Variants in CTDSPL2 observed in about 807,000 individuals in gnomAD.
CTDSPL2 encodes CTD small phosphatase-like protein 2.
Under a neutral mutation model 60.0 loss-of-function variants are expected in CTDSPL2, and 5 were observed. The observed-to-expected ratio is 0.08, with a 90% CI of 0.04 to 0.18. CTDSPL2 has a LOEUF of 0.18. Among genes scored for constraint, CTDSPL2 ranks in the 10% least tolerant of loss-of-function variants. The pLI is 1.00. For missense variants in CTDSPL2, 370 were observed against 548.8 expected (o/e 0.67, Z 3.26); for synonymous variants, 186 against 189.3 (o/e 0.98, Z 0.14).
chr15:44,501,671 T>G (rs1439650942), intron 8 of CTDSPL2, among the ~76,000 whole-genome samples: 1 of 152,182 alleles, frequency 6.6e-6, no homozygotes, highest in African/African-American at 2.4e-5. Flanking sequence ...AAATAAATGA[T>G]CTAGCCTAAA....
intron 1 of CTDSPL2, among the ~76,000 whole-genome samples, chr15:44,445,175 A>G (rs1350747030): frequency 1.3e-5 from 2 of 150,380 alleles, no homozygotes; most frequent in African/African-American, 4.9e-5. Context: ...ATAATAGGTT[A>G]GGTTCCAGAT....
intron 7 of CTDSPL2, among the ~76,000 whole-genome samples, chr15:44,498,670 C>T (rs984235088): frequency 6.6e-5 from 10 of 151,798 alleles, no homozygotes; most frequent in Non-Finnish European, 8.8e-5. Flanking sequence ...GAGGCCAAGG[C>T]GGGCAGATAC....
At chr15:44,458,479 G>A (rs1283997464) in intron 1 of CTDSPL2, among the ~76,000 whole-genome samples, 1 of 152,132 alleles carries the variant, frequency 6.6e-6, no homozygotes, top group Non-Finnish European at 1.5e-5. Flanking sequence ...CACTTATATG[G>A]TTGTTGATTA....
chr15:44,477,661 AC>A (rs2080946332), intron 2 of CTDSPL2, among the ~76,000 whole-genome samples: 1 of 151,662 alleles, frequency 6.6e-6, no homozygotes, highest in East Asian at 1.9e-4. Flanking sequence ...ACATGGAGAA[AC>A]CCTGTCTCTA....
intron 8 of CTDSPL2, among the ~76,000 whole-genome samples, chr15:44,501,507 A>T (rs1316598556): frequency 6.6e-6 from 1 of 151,968 alleles, no homozygotes; most frequent in Non-Finnish European, 1.5e-5. Flanking sequence ...TTATTATTTC[A>T]TGTGGATCTG....
At chr15:44,459,767 T>G (rs941605563) in intron 2 of CTDSPL2, among the ~76,000 whole-genome samples, 11 of 152,216 alleles carry the variant, frequency 7.2e-5, no homozygotes, top group Admixed American at 1.3e-4. Context: ...CTTGAGTTGT[T>G]TCTTTTACTT....
chr15:44,447,965 C>T (rs1362839184), intron 1 of CTDSPL2: 1 of 189,050 alleles, frequency 5.3e-6, no homozygotes, highest in Non-Finnish European at 1.1e-5. Flanking sequence ...GACCCATGCA[C>T]TCAAGGCTGT....
intron 1 of CTDSPL2, among the ~76,000 whole-genome samples, chr15:44,452,680 T>C (rs1473282625): frequency 6.6e-6 from 1 of 152,172 alleles, no homozygotes; most frequent in Non-Finnish European, 1.5e-5. Flanking sequence ...GACTTCTCTT[T>C]ATTCTCCATC....
intron 2 of CTDSPL2, among the ~76,000 whole-genome samples, chr15:44,467,894 A>C (rs1157839490): frequency 2.0e-5 from 3 of 152,134 alleles, no homozygotes; most frequent in African/African-American, 4.8e-5. Context: ...CTTTTAATGT[A>C]GAGTAGTACA....
chr15:44,492,514 GC>G (rs913145681), intron 5 of CTDSPL2, among the ~76,000 whole-genome samples: 37 of 152,168 alleles, frequency 2.4e-4, no homozygotes, highest in African/African-American at 8.7e-4. Flanking sequence ...TTGGGATATA[GC>G]CCCATCATAA....
At chr15:44,501,092 C>G (rs1375281404) in intron 8 of CTDSPL2, among the ~76,000 whole-genome samples, 2 of 151,996 alleles carry the variant, frequency 1.3e-5, no homozygotes, top group Non-Finnish European at 2.9e-5. Flanking sequence ...GGACAGGAGT[C>G]CTTGTGGCAG....
At chr15:44,493,915 GA>G (rs1377874810) in intron 5 of CTDSPL2, among the ~76,000 whole-genome samples, 4 of 151,706 alleles carry the variant, frequency 2.6e-5, no homozygotes, top group African/African-American at 7.3e-5. Flanking sequence ...TGTCAGAGAT[GA>G]AAAAAAATTC....
At chr15:44,460,473 A>T (rs1378299549) in intron 2 of CTDSPL2, among the ~76,000 whole-genome samples, 1 of 152,100 alleles carries the variant, frequency 6.6e-6, no homozygotes, top group Non-Finnish European at 1.5e-5. Context: ...TAGTTTTTTT[A>T]TGACTTTACT....
At chr15:44,459,253 C>G in intron 2 of CTDSPL2, 53 bp downstream of exon 2, 1 of 1,329,696 alleles carries the variant, frequency 7.5e-7, no homozygotes. Context: ...ATTGGCCGGG[C>G]ACGGTGGCTC....
chr15:44,493,738 T>A (rs922460883), intron 5 of CTDSPL2, among the ~76,000 whole-genome samples: 4 of 152,196 alleles, frequency 2.6e-5, no homozygotes, highest in Admixed American at 1.3e-4. Flanking sequence ...AGGTCAAGGC[T>A]GCAGTGAGCT....
At chr15:44,466,143 G>A (rs1477478892) in intron 2 of CTDSPL2, among the ~76,000 whole-genome samples, 1 of 151,272 alleles carries the variant, frequency 6.6e-6, no homozygotes, top group African/African-American at 2.4e-5. Context: ...CACCATGTTG[G>A]CCACGCTGGT....
At chr15:44,480,517 A>G (rs909178493) in intron 2 of CTDSPL2, among the ~76,000 whole-genome samples, 1 of 152,058 alleles carries the variant, frequency 6.6e-6, no homozygotes, top group Non-Finnish European at 1.5e-5. Context: ...ATGGGGATTC[A>G]TATATTTAAG....
Position 44,427,677 on chromosome 15 carries a change from C to T in CTDSPL2, c.-120C>T. ...TGGCGACTGGCTGAAGGAGCTGGTTCTGTTGCTGCTGCGGGGTAAGCGGGA... is the reference window on the plus strand; with the variant it reads ...TGGCGACTGGCTGAAGGAGCTGGTTTTGTTGCTGCTGCGGGGTAAGCGGGA... On this transcript the variant is annotated 5_prime_UTR_variant, in exon 1 of 13. Coordinates refer to ENST00000260327, the MANE Select transcript of CTDSPL2 (RefSeq NM_016396.3). 2.5e-6 allele frequency: 1 copy of T among 399,388 alleles called. No homozygotes were observed. Among genetic ancestry groups the T allele is most frequent in the Non-Finnish European group, 4.4e-6 (1 of 226,390 alleles). 24.7% of individuals were successfully genotyped at this position (399,388 alleles called of 1,614,324 possible).
intron 1 of CTDSPL2, among the ~76,000 whole-genome samples, chr15:44,429,320 G>A (rs986164193): frequency 4.6e-5 from 7 of 152,140 alleles, no homozygotes; most frequent in Non-Finnish European, 1.0e-4. Context: ...ACTACTTGCC[G>A]AGTCAGTTTA....
Sources: gnomAD v4.1 joint callset for allele counts (sites outside exome capture counted in the v4.1 genomes callset) on GRCh38, gnomAD v4.1.1 for gene constraint, MANE v1.5 for transcripts, NCBI Gene and HGNC (gene_info 2026-07-23, HGNC 2026-07-21) for gene names.